The following TP63 variants were observed in gnomAD, a reference collection of about 807,000 sequenced individuals.
The protein encoded by TP63 is tumor protein p63, also known as tumor protein 63.
TP63 carries 17 observed loss-of-function variants against 82.8 expected under a neutral mutation model. That is an observed-to-expected ratio of 0.21 (90% CI 0.14 to 0.31). The LOEUF (loss-of-function observed/expected upper bound fraction) is 0.31, where lower values mean the gene tolerates loss of function less well. Ranked by LOEUF, TP63 falls within the 10% of genes least tolerant of loss-of-function variation. The pLI, the probability that TP63 is intolerant of heterozygous loss-of-function variation, is 1.00. For missense variants in TP63, 648 were observed against 895.3 expected (o/e 0.72, Z 3.52); for synonymous variants, 330 against 321.7 (o/e 1.03, Z -0.28).
intron 1 of TP63, among the ~76,000 whole-genome samples, chr3:189,645,786 C>G (rs9823045): frequency 0.45 from 65,305 of 145,270 alleles, 18,689 homozygotes; most frequent in Middle Eastern, 0.66. Context: ...ATAGTTTGCT[C>G]AGAATGATGG....
At chr3:189,612,088 CTTG>C in the TP63 span, among the ~76,000 whole-genome samples, 5 of 152,042 alleles carry the variant, frequency 3.3e-5, no homozygotes, top group African/African-American at 4.8e-5. Context: ...GATCGTTTGC[CTTG>C]TTCTCTTTCT....
At chr3:189,736,115 T>C (rs1243903852) in intron 1 of TP63, among the ~76,000 whole-genome samples, 1 of 148,720 alleles carries the variant, frequency 6.7e-6, no homozygotes, top group Non-Finnish European at 1.5e-5. Context: ...CATTTATGAA[T>C]ATTTTAAATG....
chr3:189,739,034 G>A, intron 3 of TP63: 1 of 519,416 alleles, frequency 1.9e-6, no homozygotes, highest in East Asian at 3.5e-5. Flanking sequence ...TGTTCCTCAT[G>A]TCAACCCCAA....
intron 1 of TP63, among the ~76,000 whole-genome samples, chr3:189,656,386 G>T (rs1397587956): frequency 6.6e-6 from 1 of 152,084 alleles, no homozygotes; most frequent in South Asian, 2.1e-4. Context: ...AGGCAAAATG[G>T]TCTTATATAA....
chr3:189,859,887 C>T lies in TP63; in HGVS notation c.580-4345C>T, dbSNP rs1716805790. 2.6e-5 allele frequency among the ~76,000 whole-genome samples: 4 copies of T among 152,106 alleles called. 1 individual carries two copies. The South Asian group carries it at 8.3e-4, about 32-fold the overall frequency. ...AAGCCTTATCACATAAGATTATATA[C>T]TATATTTTTCCATTTACATAAAATT... On this transcript the variant is annotated intron_variant, in intron 4 of 13. Coordinates refer to ENST00000264731, the MANE Select transcript of TP63 (RefSeq NM_003722.5).
At chr3:189,787,993 C>T (rs1296858058) in intron 3 of TP63, among the ~76,000 whole-genome samples, 3 of 151,914 alleles carry the variant, frequency 2.0e-5, no homozygotes, top group Non-Finnish European at 2.9e-5. Flanking sequence ...AAGGAAGTAA[C>T]CATCTGCTTT....
At chr3:189,771,656 G>C (rs1236956736) in intron 3 of TP63, among the ~76,000 whole-genome samples, 1 of 151,354 alleles carries the variant, frequency 6.6e-6, no homozygotes, top group Non-Finnish European at 1.5e-5. Context: ...GAATATTTGG[G>C]CACACGTGGC....
intron 7 of TP63, 100 bp downstream of exon 7, chr3:189,868,042 G>A (rs1039309931): frequency 2.7e-5 from 26 of 954,150 alleles, no homozygotes; most frequent in South Asian, 4.2e-5. Context: ...CATGTGCAGC[G>A]GAGAGCTTGT....
chr3:189,668,685 G>C (rs140324154), intron 1 of TP63, among the ~76,000 whole-genome samples: 5 of 152,016 alleles, frequency 3.3e-5, no homozygotes, highest in African/African-American at 9.7e-5. Context: ...ATCCTAGAAA[G>C]ACAAGTGAGA....
chr3:189,793,106 GTTGCCA>G (rs1725327104), intron 3 of TP63, among the ~76,000 whole-genome samples: 1 of 152,008 alleles, frequency 6.6e-6, no homozygotes, highest in Non-Finnish European at 1.5e-5. Context: ...ACTCCATGCT[GTTGCCA>G]TAGATTGCAC....
At chr3:189,720,736 G>GAAAAA (rs548352369) in intron 1 of TP63, among the ~76,000 whole-genome samples, 213 of 120,448 alleles carry the variant, frequency 1.8e-3, no homozygotes, top group South Asian at 2.6e-3. Context: ...CTCCGTCTCA[G>GAAAAA]AAAAAAAAAA....
At chr3:189,633,104 A>C (rs898441394) in intron 1 of TP63, among the ~76,000 whole-genome samples, 5 of 152,082 alleles carry the variant, frequency 3.3e-5, no homozygotes, top group Admixed American at 3.3e-4. Context: ...GAGGCCTATA[A>C]ATATAAAGAA....
intron 1 of TP63, among the ~76,000 whole-genome samples, chr3:189,684,724 G>A (rs1373282687): frequency 6.7e-6 from 1 of 149,702 alleles, no homozygotes; most frequent in Non-Finnish European, 1.5e-5. Flanking sequence ...TCCGCCTCCC[G>A]AGTTCAAGCG....
Position 189,797,409 on chromosome 3 carries a change from T to G in TP63, c.325-10863T>G, listed in dbSNP as rs561653417. On this transcript the variant is annotated intron_variant, in intron 3 of 13. Transcript: ENST00000264731. Reference sequence around the variant, plus strand: ...GGCATTTTCTTTTTCCTTTTAAGCTTGCGCAAAACACCCAAAGGGGCCATT... The same window carrying G: ...GGCATTTTCTTTTTCCTTTTAAGCTGGCGCAAAACACCCAAAGGGGCCATT... 3.9e-5 allele frequency among the ~76,000 whole-genome samples: 6 copies of G among 152,172 alleles called. No individual in the cohort carries two copies. In the South Asian group the frequency reaches 6.2e-4, roughly 16 times the overall value.
Position 189,783,831 on chromosome 3 carries a change from C to T in TP63, c.325-24441C>T, listed in dbSNP as rs1008426319. Among the ~76,000 whole-genome samples, 41 of 151,768 alleles carry T rather than the reference C, an allele frequency of 2.7e-4. 1 individual carries two copies. Among genetic ancestry groups the T allele is most frequent in the African/African-American group, 9.4e-4 (39 of 41,368 alleles). The stretch of plus-strand genomic sequence containing the variant: ...ATCCTCTCAGTGCTGTAGTAGTTAG[C>T]CTCATTCAAATGTAATTTGGTGCAG... On this transcript the variant is annotated intron_variant, in intron 3 of 13. Transcript: ENST00000264731.
chr3:189,805,207 T>G (rs747771509), intron 3 of TP63, among the ~76,000 whole-genome samples: 6 of 152,282 alleles, frequency 3.9e-5, no homozygotes, highest in South Asian at 2.1e-4. Context: ...TTCCTTAATA[T>G]CCATAAAATC....
chr3:189,793,686 A>T (rs12489338), intron 3 of TP63, among the ~76,000 whole-genome samples: 7,362 of 152,154 alleles, frequency 0.048, 238 homozygotes, highest in South Asian at 0.084. Flanking sequence ...CCCCTTGAAT[A>T]TTTTTAAATT....
the TP63 span, among the ~76,000 whole-genome samples, chr3:189,615,937 G>T: frequency 6.6e-6 from 1 of 152,186 alleles, no homozygotes; most frequent in African/African-American, 2.4e-5. Flanking sequence ...AAGGAGAAAA[G>T]CAGGGCTTGA....
chr3:189,872,082 T>C (rs1420088120), intron 9 of TP63, among the ~76,000 whole-genome samples: 1 of 152,206 alleles, frequency 6.6e-6, no homozygotes, highest in Non-Finnish European at 1.5e-5. Flanking sequence ...GAGAGAAACA[T>C]ATTTTATCCC....
Sources: gnomAD v4.1 joint callset for allele counts (sites outside exome capture counted in the v4.1 genomes callset) on GRCh38, gnomAD v4.1.1 for gene constraint, MANE v1.5 for transcripts, NCBI Gene and HGNC (gene_info 2026-07-23, HGNC 2026-07-21) for gene names.